PTPRD: variants seen among roughly 807,000 people sequenced by gnomAD.
PTPRD encodes the protein protein tyrosine phosphatase receptor type D.
Under a neutral mutation model 214.5 loss-of-function variants are expected in PTPRD, and 34 were observed. That is an observed-to-expected ratio of 0.16 (90% confidence interval 0.12 to 0.21). PTPRD has a LOEUF of 0.21. PTPRD is among the 10% of genes least tolerant of loss of function. The probability of loss-of-function intolerance (pLI) is 1.00; values close to 1 mark genes in which losing one functional copy is unlikely to be tolerated. For missense variants in PTPRD, 2,545 were observed against 2,398.7 expected (o/e 1.06, Z -1.27); for synonymous variants, 1,128 against 845.7 (o/e 1.33, Z -5.79).
chr9:9,328,751 C>G (rs1412738610), intron 9 of PTPRD, among the ~76,000 whole-genome samples: 2 of 147,718 alleles, frequency 1.4e-5, no homozygotes, highest in African/African-American at 2.5e-5. Flanking sequence ...ATTCTTGCAT[C>G]TCAGCCTCCC....
chr9:10,152,639 A>G (rs2099068424), intron 3 of PTPRD, among the ~76,000 whole-genome samples: 1 of 152,132 alleles, frequency 6.6e-6, no homozygotes, highest in Non-Finnish European at 1.5e-5. Context: ...CAGCCTGACC[A>G]ACATGGAGAA....
At chr9:9,233,938 G>A (rs2099964829) in intron 9 of PTPRD, among the ~76,000 whole-genome samples, 1 of 152,170 alleles carries the variant, frequency 6.6e-6, no homozygotes, top group African/African-American at 2.4e-5. Flanking sequence ...CATAATGCAA[G>A]CTGTCAGTGG....
chr9:9,812,897 T>A (rs1004764981), intron 5 of PTPRD, among the ~76,000 whole-genome samples: 1 of 152,088 alleles, frequency 6.6e-6, no homozygotes, highest in Admixed American at 6.5e-5. Flanking sequence ...TCTGAGCAAA[T>A]TTAAGAGGAC....
At chr9:10,610,927 A>G (rs1591971503) in intron 2 of PTPRD, among the ~76,000 whole-genome samples, 2 of 152,098 alleles carry the variant, frequency 1.3e-5, no homozygotes, top group African/African-American at 2.4e-5. Context: ...AATTTCTAAA[A>G]CCAATCCCCC....
intron 7 of PTPRD, among the ~76,000 whole-genome samples, chr9:9,704,618 G>C (rs1458062943): frequency 6.6e-6 from 1 of 152,160 alleles, no homozygotes; most frequent in Non-Finnish European, 1.5e-5. Context: ...GAACTTCCAA[G>C]AATATTTCAC....
chr9:8,382,836 C>A (rs1259421574), intron 37 of PTPRD, among the ~76,000 whole-genome samples: 1 of 152,180 alleles, frequency 6.6e-6, no homozygotes, highest in Admixed American at 6.5e-5. Flanking sequence ...GTTTCTGTTG[C>A]CCTAGATAGG....
chr9:8,787,666 A>C (rs898751428), intron 11 of PTPRD, among the ~76,000 whole-genome samples: 4 of 152,192 alleles, frequency 2.6e-5, no homozygotes, highest in African/African-American at 9.7e-5. Flanking sequence ...GAGGGGAGTC[A>C]TGTGGAGATG....
intron 2 of PTPRD, chr9:10,532,335 G>C (rs938983888): frequency 6.5e-6 from 1 of 153,958 alleles, no homozygotes; most frequent in African/African-American, 2.4e-5. Context: ...GTTGGTTGTA[G>C]TCATGTAGTA....
intron 2 of PTPRD, among the ~76,000 whole-genome samples, chr9:10,385,217 T>A (rs762156927): frequency 1.2e-4 from 18 of 151,834 alleles, no homozygotes; most frequent in Non-Finnish European, 1.0e-4. Context: ...TAAAGCTCTT[T>A]GTGCCTCTGA....
chr9:9,645,020 A>G (rs1367141838), intron 7 of PTPRD, among the ~76,000 whole-genome samples: 1 of 152,216 alleles, frequency 6.6e-6, no homozygotes, highest in African/African-American at 2.4e-5. Flanking sequence ...TTGACTCTCC[A>G]TTGAGATGGT....
intron 2 of PTPRD, among the ~76,000 whole-genome samples, chr9:10,565,803 T>G (rs975858398): frequency 6.6e-6 from 1 of 151,968 alleles, no homozygotes; most frequent in Admixed American, 6.6e-5. Context: ...TCATCACTTT[T>G]TCCTTGTTAA....
intron 3 of PTPRD, among the ~76,000 whole-genome samples, chr9:10,164,101 T>C (rs755974614): frequency 6.6e-6 from 1 of 151,454 alleles, no homozygotes; most frequent in Non-Finnish European, 1.5e-5. Context: ...TAAAAACCAA[T>C]GTTCAACTGA....
At chr9:9,594,237 C>T (rs983272517) in intron 7 of PTPRD, among the ~76,000 whole-genome samples, 1 of 151,982 alleles carries the variant, frequency 6.6e-6, no homozygotes, top group South Asian at 2.1e-4. Context: ...ATACACATGC[C>T]AATTCTATAG....
chr9:9,404,804 C>T (rs2072598319), intron 8 of PTPRD, among the ~76,000 whole-genome samples: 1 of 151,970 alleles, frequency 6.6e-6, no homozygotes, highest in African/African-American at 2.4e-5. Flanking sequence ...TAGGCCAGAG[C>T]CCCGAGAAGT....
At chr9:10,251,795 G>C (rs1399360320) in intron 3 of PTPRD, among the ~76,000 whole-genome samples, 1 of 152,014 alleles carries the variant, frequency 6.6e-6, no homozygotes, top group Non-Finnish European at 1.5e-5. Flanking sequence ...TCTTATTTGT[G>C]GAATCTGAAA....
chr9:10,089,421 A>T (rs1316074524), intron 3 of PTPRD, among the ~76,000 whole-genome samples: 2 of 151,590 alleles, frequency 1.3e-5, no homozygotes, highest in African/African-American at 4.8e-5. Context: ...CATGTAAAAA[A>T]ATGTTCTGAC....
chr9:10,036,455 T>C (rs1388051496), intron 3 of PTPRD, among the ~76,000 whole-genome samples: 1 of 151,284 alleles, frequency 6.6e-6, no homozygotes, highest in East Asian at 1.9e-4. Context: ...TGAAAACTGA[T>C]CACTTAGATA....
intron 12 of PTPRD, among the ~76,000 whole-genome samples, chr9:8,699,462 T>G (rs1375009335): frequency 6.6e-6 from 1 of 152,296 alleles, no homozygotes; most frequent in East Asian, 1.9e-4. Flanking sequence ...CAACTAGAAT[T>G]AAATCCCTCT....
intron 11 of PTPRD, among the ~76,000 whole-genome samples, chr9:8,786,035 G>C (rs7872750): frequency 0.077 from 3,473 of 45,136 alleles, 50 homozygotes; most frequent in Non-Finnish European, 0.092. Context: ...TTAATTTGTT[G>C]TGTGTGTGTG....
Sources: gnomAD v4.1 joint callset for allele counts (sites outside exome capture counted in the v4.1 genomes callset) on GRCh38, gnomAD v4.1.1 for gene constraint, MANE v1.5 for transcripts, NCBI Gene and HGNC (gene_info 2026-07-23, HGNC 2026-07-21) for gene names.